Variants in STK10 observed in about 807,000 individuals in gnomAD.
The protein encoded by STK10 is serine/threonine kinase 10.
STK10 carries 78 observed loss-of-function variants against 113.8 expected under a neutral mutation model. The observed-to-expected ratio is 0.69, with a 90% CI of 0.57 to 0.83. STK10 has a LOEUF of 0.83. Among genes scored for constraint, STK10 ranks in the 40% least tolerant of loss-of-function variants. The pLI, the probability that STK10 is intolerant of heterozygous loss-of-function variation, is 0.00. For missense variants in STK10, 1,109 were observed against 1,280.1 expected, an observed-to-expected ratio of 0.87 and a Z score of 2.04; for synonymous variants, 465 against 494.7, an observed-to-expected ratio of 0.94 and a Z score of 0.80.
At chr5:172,131,545 T>TTTTA (rs929206341) in intron 2 of STK10, among the ~76,000 whole-genome samples, 7 of 152,166 alleles carry the variant, frequency 4.6e-5, no homozygotes, top group Non-Finnish European at 7.3e-5. Context: ...TGAGCTTCCC[T>TTTTA]TTTATTTATT....
At chr5:172,106,143 G>T (rs970454739) in intron 6 of STK10, among the ~76,000 whole-genome samples, 2 of 152,060 alleles carry the variant, frequency 1.3e-5, no homozygotes, top group Non-Finnish European at 2.9e-5. Context: ...CAGCACGGTA[G>T]CTCACGCCTG....
intron 1 of STK10, among the ~76,000 whole-genome samples, chr5:172,184,212 G>A (rs1040122088): frequency 2.6e-5 from 4 of 152,164 alleles, no homozygotes; most frequent in African/African-American, 9.7e-5. Context: ...TCAGTAACCA[G>A]GCCAGGGAAA....
At position 172,061,205 on chromosome 5, in the gene STK10, C is replaced by T. The variant is rs757877605; in HGVS notation, c.2146G>A (p.Asp716Asn). 7 of 1,613,498 alleles carry T rather than the reference C, an allele frequency of 4.3e-6. No individual in the cohort carries two copies. The highest frequency in any genetic ancestry group is 1.3e-5 in the African/African-American group (1 of 74,918). ...TTGTCACAGATCTCCCGCCTGTTGT[C>T]GGTGGTGAGCCTCTTCATGGCCAGC... Reference protein sequence around the residue: ...LELAMKRLTTDNRREICDKER... With the variant: ...LELAMKRLTTNNRREICDKER... Residue 716 changes from aspartate (D) to asparagine (N), a missense_variant, in exon 14 of 19, where the codon GAC becomes AAC. Asp to Asn is a conservative substitution (Grantham distance 23, BLOSUM62 1). Coordinates refer to ENST00000176763, the MANE Select transcript of STK10 (RefSeq NM_005990.4).
intron 2 of STK10, among the ~76,000 whole-genome samples, chr5:172,131,660 T>G (rs1769759850): frequency 6.6e-6 from 1 of 152,246 alleles, no homozygotes. Context: ...CTTAACATTT[T>G]TACCTTCAGC....
At position 172,107,818 on chromosome 5, in the gene STK10, A is replaced by T. The variant is rs766048487; in HGVS notation, c.555T>A (p.Thr185=). 6.2e-7 allele frequency: 1 copy of T among 1,614,196 alleles called. No individual in the cohort carries two copies. Among genetic ancestry groups the T allele is most frequent in the Non-Finnish European group, 8.5e-7 (1 of 1,180,022 alleles). Reference sequence around the variant, plus strand: ...CGATGAAGGAATCTCGTTTCTGTAGAGTCTTCAGATTCTTGGCAGACACAC... The same window carrying T: ...CGATGAAGGAATCTCGTTTCTGTAGTGTCTTCAGATTCTTGGCAGACACAC... ...DFGVSAKNLK[T]LQKRDSFIGT... is the part of the protein sequence containing the mutation. Residue 185 remains threonine (T), a synonymous_variant, in exon 5 of 19, where the codon ACT becomes ACA. Transcript: ENST00000176763.
Position 172,042,333 on chromosome 5 carries a change from T to C in STK10, c.*2549A>G, listed in dbSNP as rs1308799029. On this transcript the variant is annotated 3_prime_UTR_variant, in exon 19 of 19. Transcript: ENST00000176763. ...CGCGTGGGCCTCTCAGAGATGGGCA[T>C]TGCACGGTGGCTCCACGGTGAGGCT... 1.3e-5 allele frequency: 2 copies of C among 152,616 alleles called. No individual in the cohort carries two copies. Among genetic ancestry groups the C allele is most frequent in the African/African-American group, 4.8e-5 (2 of 41,422 alleles). 9.5% of individuals were successfully genotyped at this position (152,616 alleles called of 1,614,324 possible). A position where few individuals can be genotyped will look rare whatever the true frequency, so the allele number is the denominator to read the frequency against.
At chr5:172,083,402 A>G (rs1768477246) in intron 10 of STK10, among the ~76,000 whole-genome samples, 2 of 152,210 alleles carry the variant, frequency 1.3e-5, no homozygotes, top group Non-Finnish European at 2.9e-5. Flanking sequence ...TAAAATACAA[A>G]TGAAAAAGAA....
chr5:172,067,338 C>T (rs1463704997), intron 12 of STK10, among the ~76,000 whole-genome samples: 1 of 151,614 alleles, frequency 6.6e-6, no homozygotes, highest in African/African-American at 2.4e-5. Context: ...TCCTGGGCAA[C>T]AGAGCAAGAC....
chr5:172,145,573 G>T (rs3776754), intron 2 of STK10, among the ~76,000 whole-genome samples: 68,338 of 152,050 alleles, frequency 0.45, 15,548 homozygotes, highest in Middle Eastern at 0.48. Flanking sequence ...GGATTCATTA[G>T]TCAAGGGACA....
chr5:172,087,276 TTTATTTATTTAC>T (rs889112286), intron 10 of STK10, among the ~76,000 whole-genome samples: 2 of 148,120 alleles, frequency 1.4e-5, no homozygotes, highest in African/African-American at 4.9e-5. Context: ...TATTTATTTA[TTTATTTATTTAC>T]TTTTGAGACA....
intron 1 of STK10, among the ~76,000 whole-genome samples, chr5:172,184,334 C>G (rs529244386): frequency 6.6e-6 from 1 of 152,120 alleles, no homozygotes; most frequent in Non-Finnish European, 1.5e-5. Context: ...GAGTAGGCAG[C>G]CTGGGTGACA....
rs1768763109 is a variant in STK10 at position 172,093,366 on chromosome 5, C to G, written c.1554+46G>C. ...AACCAAAATGGAGCCACAGAACATC[C>G]TGCAATGGTCTTGCTGCAAGCCCGT... is the stretch of plus-strand genomic sequence containing the variant. On this transcript the variant is annotated intron_variant, in intron 9 of 18. Coordinates refer to ENST00000176763, the MANE Select transcript of STK10 (RefSeq NM_005990.4). This position sits in a 1 kb window ranked among gnomAD's most constrained non-coding sequence, Gnocchi z 4.1. 2 of 1,530,854 alleles carry G rather than the reference C, an allele frequency of 1.3e-6. No individual in the cohort carries two copies. Among genetic ancestry groups the G allele is most frequent in the African/African-American group, 2.8e-5 (2 of 72,276 alleles). The allele number at this position is 1,530,854 out of a possible 1,614,324, so 94.8% of individuals were successfully genotyped here.
chr5:172,120,444 C>G lies in STK10; in HGVS notation c.371-2814G>C, dbSNP rs949145322. Among the ~76,000 whole-genome samples the G allele has an allele frequency of 6.6e-6, 1 of 152,158 alleles. No homozygotes were observed. Among genetic ancestry groups the G allele is most frequent in the African/African-American group, 2.4e-5 (1 of 41,438 alleles). On this transcript the variant is annotated intron_variant, in intron 3 of 18. Coordinates refer to ENST00000176763, the MANE Select transcript of STK10 (RefSeq NM_005990.4). This position sits in a 1 kb window ranked among gnomAD's most constrained non-coding sequence, Gnocchi z 4.0. ...ACCAGGGACCCTTCTCTCTGGAGTCCGCAAGCTGCCTGCCCCCTGTCCCTG... is the reference window on the plus strand; with the variant it reads ...ACCAGGGACCCTTCTCTCTGGAGTCGGCAAGCTGCCTGCCCCCTGTCCCTG...
chr5:172,086,669 G>T (rs1264313147), intron 10 of STK10, among the ~76,000 whole-genome samples: 1 of 152,212 alleles, frequency 6.6e-6, no homozygotes, highest in Admixed American at 6.5e-5. Flanking sequence ...CAGGGGTCAG[G>T]TATGACCAGG....
In STK10 at chr5:172,117,591, A is replaced by G; in HGVS notation, c.410T>C (p.Val137Ala). 6.2e-7 allele frequency: 1 copy of G among 1,614,048 alleles called. No homozygotes were observed. The highest frequency in any genetic ancestry group is 8.5e-7 in the Non-Finnish European group (1 of 1,180,030). ...GAGGGCTTCTAGCATCTGGCGGCAA[A>G]CCACCTGTATCTGGGGCTCCGTGAG... The part of the protein sequence containing the change: ...RGLTEPQIQV[V>A]CRQMLEALNF... The change falls in exon 4 of 19, where the codon GTT becomes GCT. Residue 137 changes from valine to alanine, a missense_variant. Coordinates refer to ENST00000176763, the MANE Select transcript of STK10 (RefSeq NM_005990.4).
At chr5:172,072,886 T>C (rs1424606430) in intron 12 of STK10, among the ~76,000 whole-genome samples, 2 of 152,214 alleles carry the variant, frequency 1.3e-5, no homozygotes, top group Non-Finnish European at 1.5e-5. Context: ...CAAAGAAAGA[T>C]ACGAGTACTA....
At chr5:172,114,473 A>ATATATATATATTTTTTTTTTTTTTT (rs1226289994) in intron 4 of STK10, 1 of 47,546 alleles carries the variant, frequency 2.1e-5, no homozygotes, top group African/African-American at 1.4e-4. Context: ...ATATATATAT[A>ATATATATATATTTTTTTTTTTTTTT]TTTTTTTTTT....
At chr5:172,155,770 G>A (rs1229786120) in intron 2 of STK10, among the ~76,000 whole-genome samples, 1 of 151,974 alleles carries the variant, frequency 6.6e-6, no homozygotes, top group Non-Finnish European at 1.5e-5. Flanking sequence ...CAAGGCCAGC[G>A]GATCACCTGA....
At chr5:172,077,217 C>T (rs1216551893) in intron 12 of STK10, among the ~76,000 whole-genome samples, 1 of 152,220 alleles carries the variant, frequency 6.6e-6, no homozygotes, top group Non-Finnish European at 1.5e-5. Flanking sequence ...CTCATTTTCT[C>T]ATCAGGAAAA....
Sources: gnomAD v4.1 joint callset for allele counts (sites outside exome capture counted in the v4.1 genomes callset) on GRCh38, gnomAD v4.1.1 for gene constraint, Gnocchi (gnomAD v3.1) non-coding constraint, MANE v1.5 for transcripts, NCBI Gene and HGNC (gene_info 2026-07-23, HGNC 2026-07-21) for gene names.